The following LCLAT1 variants were observed in gnomAD, a reference collection of about 807,000 sequenced individuals.
LCLAT1 encodes the protein 1-AGP acyltransferase 8.
In LCLAT1, 11 loss-of-function variants were observed where a neutral mutation model predicts 30.7. That is an observed-to-expected ratio of 0.36 (90% confidence interval 0.23 to 0.59). LCLAT1 has a LOEUF of 0.59. LCLAT1 is among the 20% of genes least tolerant of loss of function. LCLAT1 has a pLI of 0.77. For synonymous variants in LCLAT1, 155 were observed against 151.3 expected, an observed-to-expected ratio of 1.02 and a Z score of -0.18; for missense variants, 402 against 458.6, an observed-to-expected ratio of 0.88 and a Z score of 1.13.
chr2:30,620,315 T>C (rs1379647176), intron 5 of LCLAT1, among the ~76,000 whole-genome samples: 1 of 152,198 alleles, frequency 6.6e-6, no homozygotes, highest in Non-Finnish European at 1.5e-5. Context: ...CCCAGCCGTG[T>C]GAACTAAGGG....
chr2:30,560,257 G>A (rs1040152117), intron 3 of LCLAT1, among the ~76,000 whole-genome samples: 1 of 151,216 alleles, frequency 6.6e-6, no homozygotes, highest in African/African-American at 2.4e-5. Context: ...ATTCTAGTTT[G>A]GACTTACCCA....
chr2:30,487,034 T>C (rs1222774301), intron 1 of LCLAT1, among the ~76,000 whole-genome samples: 1 of 152,226 alleles, frequency 6.6e-6, no homozygotes, highest in Non-Finnish European at 1.5e-5. Flanking sequence ...TCTCCTAAAA[T>C]TCTATGATAT....
chr2:30,605,823 G>T (rs898787549), intron 5 of LCLAT1, among the ~76,000 whole-genome samples: 2 of 152,142 alleles, frequency 1.3e-5, no homozygotes, highest in African/African-American at 4.8e-5. Context: ...TTTTGTGGAA[G>T]ACCATTTGTC....
intron 5 of LCLAT1, among the ~76,000 whole-genome samples, chr2:30,637,824 C>T (rs1221717342): frequency 6.6e-6 from 1 of 152,116 alleles, no homozygotes; most frequent in Non-Finnish European, 1.5e-5. Flanking sequence ...GTGATCCACC[C>T]GCCTCGGCCT....
At chr2:30,520,612 G>T (rs962654889) in intron 1 of LCLAT1, among the ~76,000 whole-genome samples, 4 of 152,142 alleles carry the variant, frequency 2.6e-5, no homozygotes, top group African/African-American at 9.7e-5. Context: ...TACATTATGA[G>T]ATTGCTGTGA....
chr2:30,605,036 A>G (rs577280579), intron 5 of LCLAT1, among the ~76,000 whole-genome samples: 69 of 152,380 alleles, frequency 4.5e-4, no homozygotes, highest in African/African-American at 1.5e-3. Flanking sequence ...CCTGTAACAC[A>G]GTTAACATGG....
chr2:30,618,427 T>G (rs948850532), intron 5 of LCLAT1, among the ~76,000 whole-genome samples: 1 of 152,196 alleles, frequency 6.6e-6, no homozygotes, highest in Non-Finnish European at 1.5e-5. Flanking sequence ...GGTCTTTCTC[T>G]CAGTCATGTT....
At chr2:30,483,266 A>T (rs765909161) in intron 1 of LCLAT1, among the ~76,000 whole-genome samples, 1 of 152,138 alleles carries the variant, frequency 6.6e-6, no homozygotes, top group East Asian at 1.9e-4. Context: ...GGTTGGGGGG[A>T]TCACTTGAGC....
In LCLAT1 at chr2:30,642,560, G is replaced by C. The variant is rs1001728692; in HGVS notation, c.*1941G>C. 4 of 152,038 alleles carry C rather than the reference G, an allele frequency of 2.6e-5. No homozygotes were observed. Among genetic ancestry groups the C allele is most frequent in the Non-Finnish European group, 4.4e-5 (3 of 68,002 alleles). 9.4% of individuals were successfully genotyped at this position (152,038 alleles called of 1,614,324 possible). ...CATTTGTGCTGGGTAAAAGAGGAGA[G>C]CTGTGCTTTCTACCCCAAAGTTGTT... On this transcript the variant is annotated 3_prime_UTR_variant, in exon 6 of 6. Coordinates refer to ENST00000379509, the MANE Select transcript of LCLAT1 (RefSeq NM_001002257.3).
In LCLAT1 at chr2:30,554,232, C is replaced by T. The variant is rs767382677; in HGVS notation, c.365-7914C>T. 2.0e-5 allele frequency among the ~76,000 whole-genome samples: 3 copies of T among 152,182 alleles called. No individual in the cohort carries two copies. In the East Asian group the frequency reaches 5.8e-4, roughly 29 times the overall value. On this transcript the variant is annotated intron_variant, in intron 3 of 5. Coordinates refer to ENST00000379509, the MANE Select transcript of LCLAT1 (RefSeq NM_001002257.3). The stretch of plus-strand genomic sequence containing the variant: ...TATTCTCACTTGCAATGCAGAAATA[C>T]ATTCGACCTGTCAGTATTGTTCAGT...
intron 5 of LCLAT1, among the ~76,000 whole-genome samples, chr2:30,576,234 G>A (rs1665987667): frequency 6.6e-6 from 1 of 152,114 alleles, no homozygotes; most frequent in Non-Finnish European, 1.5e-5. Flanking sequence ...AGCAGCTTTT[G>A]TGAGTAAAAT....
chr2:30,542,222 G>A (rs1664176258), intron 3 of LCLAT1, among the ~76,000 whole-genome samples: 1 of 151,950 alleles, frequency 6.6e-6, no homozygotes, highest in South Asian at 2.1e-4. Context: ...ATCTTCATGA[G>A]GTCTTTTTAA....
intron 3 of LCLAT1, among the ~76,000 whole-genome samples, chr2:30,534,265 G>GTA (rs1388847894): frequency 9.5e-5 from 11 of 116,400 alleles, no homozygotes; most frequent in African/African-American, 3.4e-4. Context: ...GTGTGTGTGT[G>GTA]TGTGTGTGTT....
At chr2:30,512,530 C>A (rs1278522993) in intron 1 of LCLAT1, among the ~76,000 whole-genome samples, 1 of 152,154 alleles carries the variant, frequency 6.6e-6, no homozygotes, top group Non-Finnish European at 1.5e-5. Flanking sequence ...TATTTATCTC[C>A]AGATAGCCTC....
At chr2:30,496,482 C>A (rs140850114) in intron 1 of LCLAT1, among the ~76,000 whole-genome samples, 1 of 152,102 alleles carries the variant, frequency 6.6e-6, no homozygotes, top group African/African-American at 2.4e-5. Flanking sequence ...AACTAGAGGA[C>A]GTTCAGTAGG....
At chr2:30,592,735 G>A (rs1007081679) in intron 5 of LCLAT1, among the ~76,000 whole-genome samples, 3 of 152,080 alleles carry the variant, frequency 2.0e-5, no homozygotes, top group Non-Finnish European at 4.4e-5. Flanking sequence ...ACTTATTAAA[G>A]TAGGTCCAAT....
intron 1 of LCLAT1, among the ~76,000 whole-genome samples, chr2:30,468,893 T>G (rs1212216967): frequency 6.6e-6 from 1 of 152,232 alleles, no homozygotes; most frequent in Non-Finnish European, 1.5e-5. Flanking sequence ...GTTGCAAATT[T>G]TCTGCATCCT....
chr2:30,629,263 A>G (rs1486044881), intron 5 of LCLAT1, among the ~76,000 whole-genome samples: 5 of 152,212 alleles, frequency 3.3e-5, no homozygotes, highest in Non-Finnish European at 7.3e-5. Context: ...TCAAAGACAT[A>G]AAAATACAAA....
chr2:30,449,301 T>C (rs1681424219), intron 1 of LCLAT1, among the ~76,000 whole-genome samples: 1 of 152,230 alleles, frequency 6.6e-6, no homozygotes, highest in African/African-American at 2.4e-5. Flanking sequence ...GCTCTAGCAA[T>C]GTCCTAGAAT....
Sources: allele counts gnomAD v4.1 joint callset (sites outside exome capture counted in the v4.1 genomes callset), GRCh38; gene constraint gnomAD v4.1.1; transcripts MANE v1.5; gene names NCBI Gene and HGNC (gene_info 2026-07-23, HGNC 2026-07-21).